UVRAG: variants seen among roughly 807,000 people sequenced by gnomAD.
The protein encoded by UVRAG is UV radiation resistance associated, also known as UV radiation resistance-associated gene protein.
A neutral mutation model predicts 78.0 loss-of-function variants in UVRAG; 19 were observed. The ratio of observed to expected loss-of-function variants is 0.24; its 90% confidence interval spans 0.17 to 0.36. UVRAG has a LOEUF of 0.36. UVRAG is among the 10% of genes least tolerant of loss of function. The probability of loss-of-function intolerance (pLI) is 1.00; values close to 1 mark genes in which losing one functional copy is unlikely to be tolerated. For synonymous variants in UVRAG, 323 were observed against 324.6 expected (o/e 1.00, Z 0.05); for missense variants, 740 against 853.8 (o/e 0.87, Z 1.66).
rs182572199 is a variant in UVRAG, at chr11:76,100,632, G to C, written c.1306-15292G>C. Among the ~76,000 whole-genome samples the C allele has an allele frequency of 3.3e-5, 5 of 152,218 alleles. No homozygotes were observed. In the East Asian group the frequency reaches 7.7e-4, roughly 23 times the overall value. On this transcript the variant is annotated intron_variant, in intron 13 of 14. Coordinates refer to ENST00000356136, the MANE Select transcript of UVRAG (RefSeq NM_003369.4). ...CATTCTTTAAAAGAAAAAACGTTTAGGGGTACATGTGCAGTTTTGTTATAT... is the reference window on the plus strand; with the variant it reads ...CATTCTTTAAAAGAAAAAACGTTTACGGGTACATGTGCAGTTTTGTTATAT...
chr11:76,109,744 C>T (rs1323419109), intron 13 of UVRAG, among the ~76,000 whole-genome samples: 1 of 152,180 alleles, frequency 6.6e-6, no homozygotes, highest in Non-Finnish European at 1.5e-5. Flanking sequence ...TTGTCCTTTC[C>T]TCCTCGACCT....
chr11:75,889,578 T>C (rs1947172728), intron 5 of UVRAG, among the ~76,000 whole-genome samples: 1 of 152,254 alleles, frequency 6.6e-6, no homozygotes, highest in Non-Finnish European at 1.5e-5. Flanking sequence ...TACTATGGTG[T>C]TCTACCCAAC....
chr11:76,117,169 T>C (rs748045560), intron 14 of UVRAG, among the ~76,000 whole-genome samples: 7 of 152,358 alleles, frequency 4.6e-5, no homozygotes, highest in Middle Eastern at 6.8e-3. Flanking sequence ...GCTCAAGCCC[T>C]GTCCCCAAGA....
At chr11:75,973,093 A>AG (rs1949158295) in intron 7 of UVRAG, among the ~76,000 whole-genome samples, 2 of 152,184 alleles carry the variant, frequency 1.3e-5, no homozygotes, top group Non-Finnish European at 2.9e-5. Flanking sequence ...TAGGAGCGAA[A>AG]GGGGATATCC....
intron 6 of UVRAG, among the ~76,000 whole-genome samples, chr11:75,912,618 A>C (rs980383480): frequency 1.3e-5 from 2 of 152,252 alleles, no homozygotes; most frequent in Non-Finnish European, 2.9e-5. Context: ...GGAGCAAGCC[A>C]CCAAAATAAA....
chr11:76,003,298 G>A (rs1156370495), intron 8 of UVRAG, among the ~76,000 whole-genome samples: 1 of 102,652 alleles, frequency 9.7e-6, no homozygotes, highest in African/African-American at 4.1e-5. Flanking sequence ...TGGAGACAGA[G>A]TCTCGTTCTC....
chr11:75,822,803 C>G (rs1301051451), intron 1 of UVRAG, among the ~76,000 whole-genome samples: 3 of 152,036 alleles, frequency 2.0e-5, no homozygotes, highest in African/African-American at 7.2e-5. Flanking sequence ...TCCACATGTT[C>G]AGCAACCCAG....
intron 11 of UVRAG, among the ~76,000 whole-genome samples, chr11:76,014,336 C>G (rs1354895211): frequency 6.6e-6 from 1 of 152,138 alleles, no homozygotes; most frequent in Non-Finnish European, 1.5e-5. Flanking sequence ...TTTAAGAGGC[C>G]TGCTCCTTTC....
chr11:76,048,870 G>A (rs1402397559), intron 12 of UVRAG, among the ~76,000 whole-genome samples: 4 of 152,160 alleles, frequency 2.6e-5, no homozygotes, highest in Admixed American at 2.6e-4. Context: ...CACCATTATT[G>A]AAAAGTTGAT....
chr11:75,888,786 T>A (rs1351565165), intron 4 of UVRAG, 43 bp from the exon 5 acceptor site: 1 of 1,525,456 alleles, frequency 6.6e-7, no homozygotes, highest in African/African-American at 1.4e-5. Context: ...TAAAACATGA[T>A]CGGAATAAAA....
intron 1 of UVRAG, among the ~76,000 whole-genome samples, chr11:75,821,548 G>A (rs900080313): frequency 2.6e-5 from 4 of 152,084 alleles, no homozygotes; most frequent in African/African-American, 9.7e-5. Flanking sequence ...GTCTCACTCT[G>A]GTCTCAAACT....
chr11:75,975,700 A>T (rs1232846924), intron 7 of UVRAG, among the ~76,000 whole-genome samples: 2 of 151,982 alleles, frequency 1.3e-5, no homozygotes, highest in Non-Finnish European at 2.9e-5. Flanking sequence ...TGCTTGTGAT[A>T]TTTGCACATT....
chr11:76,003,912 C>T, intron 8 of UVRAG, 93 bp from the exon 9 acceptor site: 1 of 1,159,022 alleles, frequency 8.6e-7, no homozygotes, highest in South Asian at 1.2e-5. Flanking sequence ...TTTTTATTTC[C>T]CTCTCACAGT....
chr11:76,109,475 T>C (rs1347351482), intron 13 of UVRAG, among the ~76,000 whole-genome samples: 1 of 152,230 alleles, frequency 6.6e-6, no homozygotes, highest in Non-Finnish European at 1.5e-5. Context: ...AAAATTCTAA[T>C]TGAACTCTTA....
chr11:76,000,910 A>G (rs559459449), intron 8 of UVRAG, among the ~76,000 whole-genome samples: 1 of 152,352 alleles, frequency 6.6e-6, no homozygotes, highest in South Asian at 2.1e-4. Flanking sequence ...AAGCAAATGC[A>G]CAATTATAGT....
At chr11:75,933,993 A>G (rs1378320293) in intron 6 of UVRAG, among the ~76,000 whole-genome samples, 1 of 152,232 alleles carries the variant, frequency 6.6e-6, no homozygotes. Flanking sequence ...TAGCAATCCC[A>G]CTGCTGGGCA....
rs35864936 is a variant in UVRAG, at chr11:75,950,963, TACACACACAC to T, written c.594-10449_594-10440del. Among the ~76,000 whole-genome samples, 743 of 140,046 alleles carry T rather than the reference TACACACACAC, an allele frequency of 5.3e-3. 5 individuals carry two copies. The highest frequency in any genetic ancestry group is 0.018 in the African/African-American group (674 of 38,106). The allele number at this position is 140,046 out of a possible 152,430, so 91.9% of individuals were successfully genotyped here. ...TTGGATAGAAGTCCTTTGTCAGGTG[TACACACACAC>T]ACACACACACACACACACACACACA... On this transcript the variant is annotated intron_variant, in intron 6 of 14. Transcript: ENST00000356136.
intron 13 of UVRAG, among the ~76,000 whole-genome samples, chr11:76,081,471 G>T (rs961336985): frequency 3.3e-5 from 5 of 152,208 alleles, no homozygotes; most frequent in African/African-American, 1.2e-4. Context: ...CTCCCAAAGT[G>T]CTGGGATTAC....
intron 13 of UVRAG, among the ~76,000 whole-genome samples, chr11:76,087,819 C>T (rs1161959483): frequency 6.6e-6 from 1 of 152,194 alleles, no homozygotes; most frequent in Non-Finnish European, 1.5e-5. Flanking sequence ...GGACTATCCT[C>T]TGAACCCTGA....
Sources: gnomAD v4.1 joint callset for allele counts (sites outside exome capture counted in the v4.1 genomes callset) on GRCh38, gnomAD v4.1.1 for gene constraint, MANE v1.5 for transcripts, NCBI Gene and HGNC (gene_info 2026-07-23, HGNC 2026-07-21) for gene names.